EVI5: variants seen among roughly 807,000 people sequenced by gnomAD.
EVI5 encodes ecotropic viral integration site 5 protein homolog.
A neutral mutation model predicts 112.0 loss-of-function variants in EVI5; 73 were observed. That is an observed-to-expected ratio of 0.65 (90% CI 0.54 to 0.79). The LOEUF is 0.79. Among genes scored for constraint, EVI5 ranks in the 30% least tolerant of loss-of-function variants. The pLI is 0.00. For synonymous variants in EVI5, 305 were observed against 319.9 expected (o/e 0.95, Z 0.50); for missense variants, 900 against 968.8 (o/e 0.93, Z 0.94).
intron 18 of EVI5, among the ~76,000 whole-genome samples, chr1:92,594,524 A>G (rs1285892655): frequency 2.1e-3 from 275 of 130,526 alleles, no homozygotes; most frequent in Middle Eastern, 3.7e-3. Context: ...TTCATGTCTA[A>G]AACACCAAAA....
intron 19 of EVI5, among the ~76,000 whole-genome samples, chr1:92,561,659 A>G (rs1668649901): frequency 8.3e-6 from 1 of 119,916 alleles, no homozygotes; most frequent in Non-Finnish European, 1.8e-5. Context: ...CTATCTATCT[A>G]TCTATCAGAG....
chr1:92,590,241 A>T (rs1673577726), intron 18 of EVI5, among the ~76,000 whole-genome samples: 1 of 152,208 alleles, frequency 6.6e-6, no homozygotes, highest in Non-Finnish European at 1.5e-5. Flanking sequence ...GCTCCTCACC[A>T]GCAATGGAAC....
chr1:92,572,029 T>C (rs1013022321), intron 18 of EVI5, among the ~76,000 whole-genome samples: 1 of 152,128 alleles, frequency 6.6e-6, no homozygotes, highest in African/African-American at 2.4e-5. Flanking sequence ...TAACATAACA[T>C]GTGTAAAAGG....
chr1:92,643,965 G>C (rs1660480349), intron 13 of EVI5, among the ~76,000 whole-genome samples: 1 of 152,162 alleles, frequency 6.6e-6, no homozygotes, highest in South Asian at 2.1e-4. Context: ...AGAAAAATGA[G>C]AGAATATGAA....
At chr1:92,706,182 T>C (rs1671939231) in intron 2 of EVI5, among the ~76,000 whole-genome samples, 1 of 152,082 alleles carries the variant, frequency 6.6e-6, no homozygotes, top group Non-Finnish European at 1.5e-5. Context: ...CATCAACTAA[T>C]TATTATAAAT....
intron 2 of EVI5, among the ~76,000 whole-genome samples, chr1:92,712,154 C>A (rs182617158): frequency 6.6e-6 from 1 of 152,164 alleles, no homozygotes; most frequent in Non-Finnish European, 1.5e-5. Context: ...CATGCCTAAC[C>A]CAGAGAGGAA....
intron 18 of EVI5, among the ~76,000 whole-genome samples, chr1:92,599,792 T>G (rs1031949337): frequency 6.6e-6 from 1 of 152,168 alleles, no homozygotes; most frequent in Non-Finnish European, 1.5e-5. Flanking sequence ...TAATTCACAG[T>G]GGGCAGAATA....
intron 1 of EVI5, among the ~76,000 whole-genome samples, chr1:92,768,601 T>C (rs935485834): frequency 6.6e-6 from 1 of 152,102 alleles, no homozygotes; most frequent in Non-Finnish European, 1.5e-5. Flanking sequence ...CTGGGTGTGG[T>C]GACTGACTGA....
At chr1:92,784,716 A>G in intron 1 of EVI5, 120 bp downstream of exon 1, 1 of 715,770 alleles carries the variant, frequency 1.4e-6, no homozygotes, top group Non-Finnish European at 1.7e-6. Context: ...CCCCGCTCCC[A>G]CAGCAAAACT....
chr1:92,635,156 G>A (rs562361442), intron 14 of EVI5, among the ~76,000 whole-genome samples: 2 of 152,324 alleles, frequency 1.3e-5, no homozygotes, highest in South Asian at 2.1e-4. Context: ...CAGTCTGTCG[G>A]TTCTCAGATC....
chr1:92,743,932 T>C (rs1570718829), intron 1 of EVI5, among the ~76,000 whole-genome samples: 1 of 152,212 alleles, frequency 6.6e-6, no homozygotes, highest in Admixed American at 6.5e-5. Context: ...TTCCCTAAAG[T>C]AGAAGCTTAA....
intron 18 of EVI5, among the ~76,000 whole-genome samples, chr1:92,574,065 A>G (rs967767443): frequency 7.2e-5 from 11 of 152,186 alleles, no homozygotes; most frequent in African/African-American, 2.7e-4. Flanking sequence ...AATATAACAC[A>G]TAAGAGTATG....
At chr1:92,660,094 G>A (rs190804295) in intron 13 of EVI5, among the ~76,000 whole-genome samples, 3 of 151,960 alleles carry the variant, frequency 2.0e-5, no homozygotes, top group East Asian at 1.9e-4. Flanking sequence ...GGTGAGAGGC[G>A]GTGAGGAATG....
At chr1:92,781,376 A>C (rs767719367) in intron 1 of EVI5, among the ~76,000 whole-genome samples, 13 of 151,534 alleles carry the variant, frequency 8.6e-5, no homozygotes, top group Non-Finnish European at 1.9e-4. Context: ...GCATGGTGGC[A>C]TATGCCTGTA....
At chr1:92,781,557 A>G (rs567341042) in intron 1 of EVI5, among the ~76,000 whole-genome samples, 1 of 152,200 alleles carries the variant, frequency 6.6e-6, no homozygotes, top group East Asian at 1.9e-4. Context: ...ACACAGAAAA[A>G]TATGTTCATA....
At chr1:92,782,830 T>C (rs558998079) in intron 1 of EVI5, among the ~76,000 whole-genome samples, 1 of 151,962 alleles carries the variant, frequency 6.6e-6, no homozygotes, top group African/African-American at 2.4e-5. Flanking sequence ...TTTGTTTTTG[T>C]TTTTTTTGAA....
chr1:92,566,219 A>G (rs1669458750), intron 18 of EVI5, among the ~76,000 whole-genome samples: 2 of 152,158 alleles, frequency 1.3e-5, no homozygotes, highest in Admixed American at 1.3e-4. Context: ...GAAGTGGTTT[A>G]GTGTAATTAA....
rs1256545007 is a variant in EVI5 at position 92,627,103 on chromosome 1, T to C, written c.1528-1169A>G. Among the ~76,000 whole-genome samples, 3 of 152,152 alleles carry C rather than the reference T, an allele frequency of 2.0e-5. No homozygotes were observed. The East Asian group carries it at 5.8e-4, about 29-fold the overall frequency. The stretch of plus-strand genomic sequence containing the variant: ...AGTGGTGATTTGTGAGATTTTGGTG[T>C]ACCCATCACCCAAGCAGTATACACT... On this transcript the variant is annotated intron_variant, in intron 14 of 19. Transcript: ENST00000684568.
At chr1:92,587,440 A>G (rs1351207966) in intron 18 of EVI5, among the ~76,000 whole-genome samples, 1 of 151,996 alleles carries the variant, frequency 6.6e-6, no homozygotes, top group Non-Finnish European at 1.5e-5. Flanking sequence ...ACTGGAAAGT[A>G]CAAACTAATC....
Sources: gnomAD v4.1 joint callset for allele counts (sites outside exome capture counted in the v4.1 genomes callset) on GRCh38, gnomAD v4.1.1 for gene constraint, MANE v1.5 for transcripts, NCBI Gene and HGNC (gene_info 2026-07-23, HGNC 2026-07-21) for gene names.